Variants in GNAQ observed in about 807,000 individuals in gnomAD.
The protein encoded by GNAQ is G protein subunit alpha q, also known as guanine nucleotide-binding protein G(q) subunit alpha.
In GNAQ, 8 loss-of-function variants were observed where a neutral mutation model predicts 43.9. That is an observed-to-expected ratio of 0.18 (90% CI 0.11 to 0.33). The LOEUF is 0.33. Ranked by LOEUF, GNAQ falls within the 10% of genes least tolerant of loss-of-function variation. The probability of loss-of-function intolerance (pLI) is 1.00; values close to 1 mark genes in which losing one functional copy is unlikely to be tolerated. For missense variants in GNAQ, 158 were observed against 450.8 expected, an observed-to-expected ratio of 0.35 and a Z score of 5.88; for synonymous variants, 155 against 170.7, an observed-to-expected ratio of 0.91 and a Z score of 0.71.
At chr9:77,867,363 C>A (rs529114854) in intron 2 of GNAQ, among the ~76,000 whole-genome samples, 29 of 152,318 alleles carry the variant, frequency 1.9e-4, no homozygotes, top group African/African-American at 7.0e-4. Flanking sequence ...AACTGTAATA[C>A]TTCCAACTTA....
chr9:77,863,389 C>G (rs1468998929), intron 2 of GNAQ, among the ~76,000 whole-genome samples: 1 of 152,188 alleles, frequency 6.6e-6, no homozygotes, highest in African/African-American at 2.4e-5. Context: ...CAGTTCCCAA[C>G]AAGTTCCTCA....
intron 1 of GNAQ, among the ~76,000 whole-genome samples, chr9:77,954,523 C>T (rs1293903474): frequency 1.3e-5 from 2 of 152,198 alleles, no homozygotes; most frequent in Non-Finnish European, 2.9e-5. Flanking sequence ...GGCACACCCA[C>T]TGTGTCACCT....
chr9:77,815,113 T>C (rs1221238132), intron 3 of GNAQ, among the ~76,000 whole-genome samples: 1 of 152,186 alleles, frequency 6.6e-6, no homozygotes, highest in Non-Finnish European at 1.5e-5. Context: ...ATCAACATAA[T>C]AGTGGCTCTC....
At chr9:77,935,099 T>C (rs1829211567) in intron 1 of GNAQ, among the ~76,000 whole-genome samples, 1 of 152,184 alleles carries the variant, frequency 6.6e-6, no homozygotes, top group Admixed American at 6.5e-5. Flanking sequence ...CCCTCCAACC[T>C]GGACGACAGA....
At chr9:77,920,111 C>G (rs1828974639) in intron 2 of GNAQ, among the ~76,000 whole-genome samples, 1 of 151,930 alleles carries the variant, frequency 6.6e-6, no homozygotes, top group South Asian at 2.1e-4. Context: ...TGCACTCCAG[C>G]CTGATGACAG....
intron 2 of GNAQ, among the ~76,000 whole-genome samples, chr9:77,891,500 A>C (rs748990551): frequency 2.0e-5 from 3 of 152,190 alleles, no homozygotes; most frequent in Non-Finnish European, 4.4e-5. Flanking sequence ...TTTCACGTTT[A>C]AGTTCCTTTT....
intron 5 of GNAQ, among the ~76,000 whole-genome samples, chr9:77,746,412 A>G (rs1364769608): frequency 6.6e-6 from 1 of 152,162 alleles, no homozygotes; most frequent in African/African-American, 2.4e-5. Context: ...CCTGATTAGA[A>G]AAGACAAAGC....
intron 1 of GNAQ, among the ~76,000 whole-genome samples, chr9:77,984,622 C>T (rs1823410796): frequency 6.6e-6 from 1 of 152,136 alleles, no homozygotes; most frequent in South Asian, 2.1e-4. Context: ...TCTTGAAATA[C>T]CTTTTTAAAA....
intron 5 of GNAQ, among the ~76,000 whole-genome samples, chr9:77,756,408 C>T (rs1183131232): frequency 6.6e-6 from 1 of 152,214 alleles, no homozygotes; most frequent in African/African-American, 2.4e-5. Flanking sequence ...ATTCACTGTC[C>T]ATCCAGATGT....
At chr9:77,976,685 C>T (rs1212685912) in intron 1 of GNAQ, among the ~76,000 whole-genome samples, 1 of 152,210 alleles carries the variant, frequency 6.6e-6, no homozygotes, top group African/African-American at 2.4e-5. Context: ...CCAACACGCC[C>T]GGCCCAGGCT....
At chr9:77,761,087 C>T (rs1826002219) in intron 5 of GNAQ, among the ~76,000 whole-genome samples, 1 of 152,130 alleles carries the variant, frequency 6.6e-6, no homozygotes, top group African/African-American at 2.4e-5. Context: ...GCGTCTCTGC[C>T]CGGCAGCCGC....
At chr9:77,882,374 C>T (rs1828227818) in intron 2 of GNAQ, among the ~76,000 whole-genome samples, 1 of 152,046 alleles carries the variant, frequency 6.6e-6, no homozygotes, top group African/African-American at 2.4e-5. Context: ...AAAAATAAGC[C>T]ATCTGGACGG....
intron 2 of GNAQ, among the ~76,000 whole-genome samples, chr9:77,904,311 C>A (rs1400118570): frequency 7.4e-6 from 1 of 135,550 alleles, no homozygotes; most frequent in Non-Finnish European, 1.6e-5. Context: ...CAGAAGTTCA[C>A]ACCGGCTTTT....
In GNAQ at chr9:77,719,886, A is replaced by G; in HGVS notation, c.*1437T>C. ...AATCTTCCATAAGTTCAACCTAATCAGTTACCAGTTCAAGAAGATCATGAA... is the reference window on the plus strand; with the variant it reads ...AATCTTCCATAAGTTCAACCTAATCGGTTACCAGTTCAAGAAGATCATGAA... On this transcript the variant is annotated 3_prime_UTR_variant, in exon 7 of 7. Coordinates refer to ENST00000286548, the MANE Select transcript of GNAQ (RefSeq NM_002072.5). 2 of 232,578 alleles carry G rather than the reference A, an allele frequency of 8.6e-6. No individual in the cohort carries two copies. The highest frequency in any genetic ancestry group is 1.2e-4 in the East Asian group (2 of 16,478). The allele number at this position is 232,578 out of a possible 1,614,324, so 14.4% of individuals were successfully genotyped here.
chr9:77,861,239 C>A (rs890863375), intron 2 of GNAQ, among the ~76,000 whole-genome samples: 3 of 152,136 alleles, frequency 2.0e-5, no homozygotes, highest in African/African-American at 7.2e-5. Flanking sequence ...ACAAGAATAG[C>A]CCAGGAAAGA....
rs141572270 is a variant in GNAQ at position 77,782,259 on chromosome 9, G to A, written c.735+12204C>T. Among the ~76,000 whole-genome samples the A allele has an allele frequency of 1.5e-3, 222 of 151,854 alleles. 6 individuals carry two copies. The East Asian group carries it at 0.042, about 28-fold the overall frequency. ...CAGATTATTATTCAAAACATACAAA[G>A]AACTTTTAAAATGTAACAATTAAAA... On this transcript the variant is annotated intron_variant, in intron 5 of 6. Coordinates refer to ENST00000286548, the MANE Select transcript of GNAQ (RefSeq NM_002072.5).
At chr9:77,941,073 GA>G (rs1325317675) in intron 1 of GNAQ, among the ~76,000 whole-genome samples, 1 of 151,982 alleles carries the variant, frequency 6.6e-6, no homozygotes, top group Non-Finnish European at 1.5e-5. Context: ...AGTATTAAAA[GA>G]ATTAACAAAT....
intron 1 of GNAQ, among the ~76,000 whole-genome samples, chr9:78,003,689 G>A (rs900672199): frequency 1.5e-4 from 23 of 151,848 alleles, no homozygotes; most frequent in African/African-American, 4.4e-4. Context: ...GGTAATGCAC[G>A]CCTGTAATCC....
At position 77,717,450 on chromosome 9, in the gene GNAQ, G is replaced by A. The variant is rs1360890278; in HGVS notation, c.*3873C>T. On this transcript the variant is annotated 3_prime_UTR_variant, in exon 7 of 7. Transcript: ENST00000286548. The stretch of plus-strand genomic sequence containing the variant: ...AGGGTAATCGGTAGGTGATTTGAGG[G>A]AAATTTCCAACCAATATGTGAGTCT... The A allele has an allele frequency of 4.3e-6, 1 of 232,336 alleles. No individual in the cohort carries two copies. Among genetic ancestry groups the A allele is most frequent in the African/African-American group, 2.2e-5 (1 of 45,304 alleles). The allele number at this position is 232,336 out of a possible 1,614,324, so 14.4% of individuals were successfully genotyped here. A position where few individuals can be genotyped will look rare whatever the true frequency, so the allele number is the denominator to read the frequency against.
Sources: allele counts gnomAD v4.1 joint callset (sites outside exome capture counted in the v4.1 genomes callset), GRCh38; gene constraint gnomAD v4.1.1; transcripts MANE v1.5; gene names NCBI Gene and HGNC (gene_info 2026-07-23, HGNC 2026-07-21).